Variants in DNER observed in about 807,000 individuals in gnomAD.
DNER encodes the protein delta/notch like EGF repeat containing, also known as delta and Notch-like epidermal growth factor-related receptor.
Under a neutral mutation model 78.2 loss-of-function variants are expected in DNER, and 33 were observed. The ratio of observed to expected loss-of-function variants is 0.42; its 90% CI spans 0.32 to 0.56. The LOEUF (loss-of-function observed/expected upper bound fraction) is 0.56. DNER is among the 20% of genes least tolerant of loss of function. The pLI, the probability that DNER is intolerant of heterozygous loss-of-function variation, is 0.11. For missense variants in DNER, 918 were observed against 975.3 expected (o/e 0.94, Z 0.78); for synonymous variants, 417 against 384.8 (o/e 1.08, Z -0.98).
chr2:229,690,244 A>T (rs1344099111), intron 1 of DNER, among the ~76,000 whole-genome samples: 1 of 152,174 alleles, frequency 6.6e-6, no homozygotes, highest in Non-Finnish European at 1.5e-5. Flanking sequence ...GAGGTCTAAT[A>T]TGTGGCCTGG....
At chr2:229,508,645 G>T (rs1236949581) in intron 6 of DNER, among the ~76,000 whole-genome samples, 1 of 152,144 alleles carries the variant, frequency 6.6e-6, no homozygotes, top group Non-Finnish European at 1.5e-5. Flanking sequence ...ACTTTGGGAG[G>T]CCGAGACGGG....
At chr2:229,427,259 G>A (rs7571817) in intron 8 of DNER, among the ~76,000 whole-genome samples, 12,306 of 152,248 alleles carry the variant, frequency 0.081, 1,669 homozygotes, top group African/African-American at 0.28. Flanking sequence ...TTCACACCAT[G>A]AGTTTATATT....
intron 5 of DNER, among the ~76,000 whole-genome samples, chr2:229,520,797 A>T (rs1696079684): frequency 6.6e-6 from 1 of 152,204 alleles, no homozygotes; most frequent in Non-Finnish European, 1.5e-5. Flanking sequence ...CCACATATGA[A>T]GTCCCACTCC....
chr2:229,594,525 T>G (rs186321232), intron 1 of DNER, among the ~76,000 whole-genome samples: 99 of 151,996 alleles, frequency 6.5e-4, no homozygotes, highest in Non-Finnish European at 1.1e-3. Flanking sequence ...AGGCAGAGGT[T>G]GCAGTGAGCC....
In DNER at chr2:229,420,513, GT is replaced by G. The variant is rs1023723139; in HGVS notation, c.1487-2284del. Among the ~76,000 whole-genome samples, 21 of 152,072 alleles carry G rather than the reference GT, an allele frequency of 1.4e-4. 1 individual carries two copies. The highest frequency in any genetic ancestry group is 4.4e-5 in the Non-Finnish European group (3 of 68,000). On this transcript the variant is annotated intron_variant, in intron 8 of 12. Coordinates refer to ENST00000341772, the MANE Select transcript of DNER (RefSeq NM_139072.4). ...TCATTCCTAAGGCCAATGTTATGAAGTTTTTCCCCTACGTTTTCTTCTAGAA... is the reference window on the plus strand; with the variant it reads ...TCATTCCTAAGGCCAATGTTATGAAGTTTTCCCCTACGTTTTCTTCTAGAA...
intron 6 of DNER, among the ~76,000 whole-genome samples, chr2:229,497,654 A>C (rs1695525976): frequency 6.6e-6 from 1 of 152,138 alleles, no homozygotes; most frequent in Non-Finnish European, 1.5e-5. Context: ...TTATACTATA[A>C]CACAAAGAAT....
At chr2:229,637,516 C>T (rs950637344) in intron 1 of DNER, among the ~76,000 whole-genome samples, 4 of 152,182 alleles carry the variant, frequency 2.6e-5, no homozygotes, top group African/African-American at 9.7e-5. Context: ...CAAAACCCAT[C>T]TCTTCCTAAA....
intron 4 of DNER, among the ~76,000 whole-genome samples, chr2:229,547,486 G>GT: frequency 6.6e-6 from 1 of 152,118 alleles, no homozygotes; most frequent in East Asian, 1.9e-4. Flanking sequence ...TTCTACCAGG[G>GT]AGCAGCTTAC....
intron 4 of DNER, among the ~76,000 whole-genome samples, chr2:229,570,902 G>T (rs1697207817): frequency 6.6e-6 from 1 of 152,156 alleles, no homozygotes; most frequent in African/African-American, 2.4e-5. Context: ...CAGGATCAGA[G>T]AATTAAGGGG....
At chr2:229,516,826 G>T (rs954545901) in intron 5 of DNER, among the ~76,000 whole-genome samples, 6 of 124,202 alleles carry the variant, frequency 4.8e-5, no homozygotes, top group Non-Finnish European at 1.1e-4. Context: ...AAAAGAAAAA[G>T]GCCGGGCACG....
intron 10 of DNER, among the ~76,000 whole-genome samples, chr2:229,405,673 T>C (rs1367373423): frequency 6.6e-6 from 1 of 152,216 alleles, no homozygotes; most frequent in African/African-American, 2.4e-5. Flanking sequence ...ATGACTCCTT[T>C]TATATTCAAA....
intron 6 of DNER, among the ~76,000 whole-genome samples, chr2:229,510,937 CAT>C (rs1332755930): frequency 1.3e-5 from 2 of 152,104 alleles, no homozygotes; most frequent in Admixed American, 6.6e-5. Flanking sequence ...TTTTTAAAAA[CAT>C]GTAGAAAAAT....
In DNER at chr2:229,644,102, C is replaced by T. The variant is rs553390600; in HGVS notation, c.277-52214G>A. ...CAGGGATCAGCCCTGCACCTGCCCCCAAATTTCCCAAATGTCATGGATCAC... is the reference window on the plus strand; with the variant it reads ...CAGGGATCAGCCCTGCACCTGCCCCTAAATTTCCCAAATGTCATGGATCAC... On this transcript the variant is annotated intron_variant, in intron 1 of 12. Transcript: ENST00000341772. Among the ~76,000 whole-genome samples the T allele has an allele frequency of 2.6e-5, 4 of 152,258 alleles. No homozygotes were observed. In the South Asian group the frequency reaches 8.3e-4, roughly 32 times the overall value.
At chr2:229,687,223 T>C (rs935098873) in intron 1 of DNER, among the ~76,000 whole-genome samples, 2 of 152,104 alleles carry the variant, frequency 1.3e-5, no homozygotes, top group African/African-American at 2.4e-5. Flanking sequence ...TTACAAATAA[T>C]GTTTTGATGA....
intron 1 of DNER, among the ~76,000 whole-genome samples, chr2:229,691,455 GA>G (rs1363934082): frequency 6.6e-6 from 1 of 151,616 alleles, no homozygotes; most frequent in Non-Finnish European, 1.5e-5. Flanking sequence ...TGAGACGTGA[GA>G]TTTATCAGAG....
At chr2:229,495,408 C>T (rs572369794) in intron 6 of DNER, among the ~76,000 whole-genome samples, 1 of 152,286 alleles carries the variant, frequency 6.6e-6, no homozygotes, top group African/African-American at 2.4e-5. Flanking sequence ...GCCAATGATG[C>T]AATTCCAGTC....
chr2:229,702,549 GA>G (rs1206763231), intron 1 of DNER, among the ~76,000 whole-genome samples: 1 of 151,576 alleles, frequency 6.6e-6, no homozygotes, highest in Admixed American at 6.6e-5. Flanking sequence ...AAATAATAAT[GA>G]TGATGATGAT....
chr2:229,710,816 G>T (rs1559217601), intron 1 of DNER, among the ~76,000 whole-genome samples: 1 of 152,028 alleles, frequency 6.6e-6, no homozygotes, highest in Non-Finnish European at 1.5e-5. Flanking sequence ...TGAAATATGT[G>T]CAGAAAGTTT....
rs755514268 is a variant in DNER at position 229,607,058 on chromosome 2, A to G, written c.277-15170T>C. Among the ~76,000 whole-genome samples, 156 of 152,294 alleles carry G rather than the reference A, an allele frequency of 1.0e-3. 1 individual carries two copies. The highest frequency in any genetic ancestry group is 2.1e-3 in the Non-Finnish European group (140 of 68,018). ...CACACAGCAAAAAATTACAAACCAT[A>G]CAAGGAAATAAGCCACCATCAGCAC... On this transcript the variant is annotated intron_variant, in intron 1 of 12. Transcript: ENST00000341772.
Sources: allele counts gnomAD v4.1 joint callset (sites outside exome capture counted in the v4.1 genomes callset), GRCh38; gene constraint gnomAD v4.1.1; transcripts MANE v1.5; gene names NCBI Gene and HGNC (gene_info 2026-07-23, HGNC 2026-07-21).